The following NEBL variants were observed in gnomAD, a reference collection of about 807,000 sequenced individuals.
The protein encoded by NEBL is LIM and SH3 protein 2.
Under a neutral mutation model 140.2 loss-of-function variants are expected in NEBL, and 122 were observed. The ratio of observed to expected loss-of-function variants is 0.87; its 90% CI spans 0.75 to 1.01. The LOEUF is 1.01. Among genes scored for constraint, NEBL ranks in the 50% least tolerant of loss-of-function variants. The pLI is 0.00. For synonymous variants in NEBL, 436 were observed against 398.9 expected, an observed-to-expected ratio of 1.09 and a Z score of -1.11; for missense variants, 1,365 against 1,231.3, an observed-to-expected ratio of 1.11 and a Z score of -1.62.
chr10:20,959,024 C>T (rs1398893145), intron 4 of NEBL, among the ~76,000 whole-genome samples: 4 of 152,140 alleles, frequency 2.6e-5, no homozygotes, highest in Non-Finnish European at 4.4e-5. Context: ...CCCATTCATC[C>T]GTAACATATT....
chr10:20,965,671 C>T (rs911952144), intron 3 of NEBL, among the ~76,000 whole-genome samples: 17 of 152,260 alleles, frequency 1.1e-4, no homozygotes, highest in Admixed American at 9.8e-4. Context: ...TATGCCCTGA[C>T]TTGTGTTTTA....
chr10:21,052,419 C>T (rs1834816762), intron 2 of NEBL, among the ~76,000 whole-genome samples: 1 of 152,116 alleles, frequency 6.6e-6, no homozygotes, highest in South Asian at 2.1e-4. Context: ...AGGCAGCTAA[C>T]AATAAGACTC....
intron 4 of NEBL, among the ~76,000 whole-genome samples, chr10:20,933,321 C>T (rs2131541431): frequency 6.6e-6 from 1 of 152,134 alleles, no homozygotes; most frequent in Admixed American, 6.5e-5. Flanking sequence ...CTAGTTTTTT[C>T]ACAACAAATA....
chr10:21,168,324 T>G (rs1271536595), intron 2 of NEBL, among the ~76,000 whole-genome samples: 1 of 152,222 alleles, frequency 6.6e-6, no homozygotes, highest in Admixed American at 6.5e-5. Context: ...TTCTTAATAT[T>G]TATTTTAAAG....
chr10:21,206,852 T>C (rs1215754952), intron 3 of NEBL, among the ~76,000 whole-genome samples: 1 of 152,008 alleles, frequency 6.6e-6, no homozygotes, highest in Non-Finnish European at 1.5e-5. Flanking sequence ...GCTGTTTCAC[T>C]GGAATTCAGG....
intron 2 of NEBL, among the ~76,000 whole-genome samples, chr10:21,143,840 A>C (rs1839761115): frequency 4.6e-5 from 7 of 152,058 alleles, no homozygotes; most frequent in Admixed American, 4.6e-4. Flanking sequence ...AAACATCACA[A>C]GCCAGATCAG....
At chr10:21,196,592 G>A (rs188276271) in intron 3 of NEBL, among the ~76,000 whole-genome samples, 58 of 152,034 alleles carry the variant, frequency 3.8e-4, no homozygotes, top group East Asian at 1.9e-3. Flanking sequence ...TGATCCGCCC[G>A]CCTCAGTCTC....
chr10:20,961,565 T>C, intron 4 of NEBL: 1 of 846,954 alleles, frequency 1.2e-6, no homozygotes, highest in Non-Finnish European at 2.0e-6. Flanking sequence ...CACTGAGTAC[T>C]GCTTGCACCC....
intron 11 of NEBL, among the ~76,000 whole-genome samples, chr10:20,846,948 AAC>A (rs1842007568): frequency 6.6e-6 from 1 of 152,142 alleles, no homozygotes; most frequent in South Asian, 2.1e-4. Context: ...TCCTCCAGAA[AAC>A]ACACACATTA....
intron 26 of NEBL, among the ~76,000 whole-genome samples, chr10:20,788,895 C>T (rs976191025): frequency 2.6e-5 from 4 of 152,162 alleles, no homozygotes; most frequent in Admixed American, 2.6e-4. Context: ...GAAGCCTTGT[C>T]CATTGATTCA....
chr10:20,977,531 C>A (rs1836854256), intron 3 of NEBL, among the ~76,000 whole-genome samples: 1 of 152,028 alleles, frequency 6.6e-6, no homozygotes, highest in African/African-American at 2.4e-5. Context: ...GGAGAGGCAT[C>A]ACAGATAGGC....
chr10:21,165,385 A>C (rs1840718519), intron 2 of NEBL, among the ~76,000 whole-genome samples: 1 of 152,180 alleles, frequency 6.6e-6, no homozygotes, highest in Admixed American at 6.5e-5. Context: ...ATTCAGGCTT[A>C]ATGAACCCTA....
chr10:20,957,922 A>G (rs1835881486), intron 4 of NEBL, among the ~76,000 whole-genome samples: 1 of 152,218 alleles, frequency 6.6e-6, no homozygotes, highest in Admixed American at 6.5e-5. Context: ...TTATCCCCAG[A>G]CTGTCTCAGC....
intron 3 of NEBL, among the ~76,000 whole-genome samples, chr10:21,186,469 A>G (rs1334026329): frequency 1.3e-5 from 2 of 152,130 alleles, no homozygotes; most frequent in Non-Finnish European, 2.9e-5. Flanking sequence ...AGACACCAAA[A>G]TCTGAGATGC....
At chr10:21,059,130 AC>A (rs991885414) in intron 2 of NEBL, among the ~76,000 whole-genome samples, 123 of 152,110 alleles carry the variant, frequency 8.1e-4, no homozygotes, top group African/African-American at 2.9e-3. Context: ...ATTAACCACC[AC>A]CCCCAGCAGT....
At chr10:20,817,458 G>A (rs550031451) in intron 21 of NEBL, 142 bp downstream of exon 21, 27 of 789,602 alleles carry the variant, frequency 3.4e-5, no homozygotes, top group East Asian at 8.0e-5. Flanking sequence ...CAAAGTCCCC[G>A]AAATCTTTCA....
intron 7 of NEBL, among the ~76,000 whole-genome samples, chr10:20,866,863 A>G (rs1232363048): frequency 6.6e-6 from 1 of 152,072 alleles, no homozygotes; most frequent in East Asian, 1.9e-4. Context: ...TCTTCTGTGA[A>G]TTATCTATTT....
chr10:20,915,377 G>A (rs1196122967), intron 4 of NEBL, among the ~76,000 whole-genome samples: 1 of 150,136 alleles, frequency 6.7e-6, no homozygotes, highest in Admixed American at 6.7e-5. Flanking sequence ...CTAGCATTAG[G>A]TATATCTCCC....
At chr10:21,241,621 G>T (rs192330130) in intron 3 of NEBL, among the ~76,000 whole-genome samples, 1 of 152,224 alleles carries the variant, frequency 6.6e-6, no homozygotes, top group African/African-American at 2.4e-5. Flanking sequence ...ATTTGCTACA[G>T]GCTGAAAAAG....
Sources: gnomAD v4.1 joint callset for allele counts (sites outside exome capture counted in the v4.1 genomes callset) on GRCh38, gnomAD v4.1.1 for gene constraint, MANE v1.5 for transcripts, NCBI Gene and HGNC (gene_info 2026-07-23, HGNC 2026-07-21) for gene names.